Variants in DLC1 observed in about 807,000 individuals in gnomAD.
The protein encoded by DLC1 is rho GTPase-activating protein 7.
Under a neutral mutation model 140.3 loss-of-function variants are expected in DLC1, and 54 were observed. The observed-to-expected ratio is 0.38, with a 90% confidence interval of 0.31 to 0.48. The LOEUF is 0.48. DLC1 is among the 20% of genes least tolerant of loss of function. The pLI is 0.96. For missense variants in DLC1, 2,536 were observed against 1,907.0 expected (o/e 1.33, Z -6.14); for synonymous variants, 986 against 728.1 (o/e 1.35, Z -5.70).
intron 5 of DLC1, among the ~76,000 whole-genome samples, chr8:13,272,066 C>G (rs1301464042): frequency 6.6e-6 from 1 of 152,178 alleles, no homozygotes; most frequent in Non-Finnish European, 1.5e-5. Flanking sequence ...TCATGTTCTC[C>G]AAATTGAGAG....
chr8:13,211,032 A>G (rs1166692463), intron 5 of DLC1, among the ~76,000 whole-genome samples: 1 of 152,130 alleles, frequency 6.6e-6, no homozygotes, highest in African/African-American at 2.4e-5. Flanking sequence ...TGTTTTCAAG[A>G]CCCTCCTGAT....
At chr8:13,568,020 C>T in intron 1 of DLC1, 2 of 1,431,936 alleles carry the variant, frequency 1.4e-6, no homozygotes, top group East Asian at 2.5e-5. Context: ...GGGAAACTAA[C>T]TTAAGACTTT....
intron 4 of DLC1, among the ~76,000 whole-genome samples, chr8:13,392,225 A>G (rs548354482): frequency 4.6e-5 from 7 of 152,190 alleles, no homozygotes; most frequent in South Asian, 4.2e-4. Flanking sequence ...ATTGCGTTTC[A>G]CTGTTTACAT....
At chr8:13,504,709 G>A (rs995851014) in intron 1 of DLC1, among the ~76,000 whole-genome samples, 10 of 152,136 alleles carry the variant, frequency 6.6e-5, no homozygotes, top group Admixed American at 6.5e-4. Flanking sequence ...AAGACGACAG[G>A]CAAATACGAC....
At position 13,495,960 on chromosome 8, in the gene DLC1, T is replaced by C. The variant is rs146195351; in HGVS notation, c.1023+3089A>G. ...TGAAGGATTTGATTCAATCACATGA[T>C]TATCAGATAATGAGCTGATTACAAT... is the stretch of plus-strand genomic sequence containing the variant. On this transcript the variant is annotated intron_variant, in intron 2 of 17. Coordinates refer to ENST00000276297, the MANE Select transcript of DLC1 (RefSeq NM_182643.3). 2.9e-4 allele frequency among the ~76,000 whole-genome samples: 44 copies of C among 152,362 alleles called. 1 individual carries two copies. The highest frequency in any genetic ancestry group is 1.0e-3 in the African/African-American group (43 of 41,596).
At chr8:13,439,394 C>G (rs1012709494) in intron 2 of DLC1, among the ~76,000 whole-genome samples, 2 of 152,148 alleles carry the variant, frequency 1.3e-5, no homozygotes, top group Non-Finnish European at 2.9e-5. Context: ...TTACTGACCT[C>G]TGCCATGTAA....
chr8:13,455,638 C>T (rs1249667932), intron 2 of DLC1, among the ~76,000 whole-genome samples: 2 of 152,220 alleles, frequency 1.3e-5, no homozygotes, highest in Admixed American at 1.3e-4. Context: ...TCTGGCCACC[C>T]TGTGCCTAAA....
chr8:13,427,924 T>C (rs1402403701), intron 2 of DLC1, among the ~76,000 whole-genome samples: 1 of 152,194 alleles, frequency 6.6e-6, no homozygotes, highest in Non-Finnish European at 1.5e-5. Context: ...AGGCATATAG[T>C]GGTCATTCCA....
Position 13,221,210 on chromosome 8 carries a change from G to A in DLC1, c.1348+84059C>T, listed in dbSNP as rs80286342. 8.6e-3 allele frequency among the ~76,000 whole-genome samples: 1,301 copies of A among 152,132 alleles called. 24 individuals are homozygous for A. The highest frequency in any genetic ancestry group is 0.045 in the East Asian group (235 of 5,170). ...TCACCACCGCATTCTTTCCATGGGG[G>A]ATGTTAGACACCACTGACCCGGATG... On this transcript the variant is annotated intron_variant, in intron 5 of 17. Transcript: ENST00000276297.
intron 1 of DLC1, among the ~76,000 whole-genome samples, chr8:13,604,088 G>A (rs574530812): frequency 1.3e-5 from 2 of 152,170 alleles, no homozygotes; most frequent in African/African-American, 4.8e-5. Flanking sequence ...CAATGATAAT[G>A]TTATGATATG....
At chr8:13,163,024 A>G (rs953194718) in intron 5 of DLC1, among the ~76,000 whole-genome samples, 3 of 152,176 alleles carry the variant, frequency 2.0e-5, no homozygotes, top group Non-Finnish European at 4.4e-5. Context: ...TGTTGACACC[A>G]TGTAGCCTCT....
At chr8:13,253,741 A>G (rs1159998157) in intron 5 of DLC1, among the ~76,000 whole-genome samples, 1 of 152,166 alleles carries the variant, frequency 6.6e-6, no homozygotes, top group African/African-American at 2.4e-5. Context: ...TGGGCTTAGG[A>G]AGAGGAGGAA....
At chr8:13,596,913 G>A (rs151110716) in intron 1 of DLC1, among the ~76,000 whole-genome samples, 8 of 152,036 alleles carry the variant, frequency 5.3e-5, no homozygotes, top group South Asian at 2.1e-4. Context: ...AAATGCCTGC[G>A]GAGTGTGGAT....
chr8:13,391,210 G>C (rs1328677426), intron 4 of DLC1, among the ~76,000 whole-genome samples: 2 of 152,124 alleles, frequency 1.3e-5, no homozygotes, highest in Non-Finnish European at 2.9e-5. Context: ...TGCTGGTCAA[G>C]ATTATTTTGC....
chr8:13,504,202 C>T (rs1478130677), intron 1 of DLC1, among the ~76,000 whole-genome samples: 4 of 149,498 alleles, frequency 2.7e-5, no homozygotes, highest in Non-Finnish European at 4.4e-5. Flanking sequence ...TCTCAGCTCA[C>T]TGCAACCTCT....
chr8:13,401,572 C>T lies in DLC1; in HGVS notation c.1071G>A (p.Leu357=). The T allele has an allele frequency of 6.2e-7, 1 of 1,613,810 alleles. No homozygotes were observed. The highest frequency in any genetic ancestry group is 2.2e-5 in the East Asian group (1 of 44,872). ...RDRARLDSMV[L]LIMKLDQLDQ... The stretch of plus-strand genomic sequence containing the variant: ...CAAGCTGGTCCAGTTTCATAATCAG[C>T]AGCACCATGGAGTCCAGCCGCGCCC... The change falls in exon 3 of 18, where the codon CTG becomes CTA. Residue 357 remains leucine (L), a synonymous_variant. Coordinates refer to ENST00000276297, the MANE Select transcript of DLC1 (RefSeq NM_182643.3).
intron 5 of DLC1, chr8:13,304,950 A>G (rs1832357470): frequency 1.9e-6 from 2 of 1,027,324 alleles, no homozygotes; most frequent in Admixed American, 5.4e-5. Flanking sequence ...ATTATTAATA[A>G]CTAATTTCCA....
chr8:13,440,453 CAT>C (rs769433023), intron 2 of DLC1, among the ~76,000 whole-genome samples: 3 of 152,004 alleles, frequency 2.0e-5, no homozygotes, highest in African/African-American at 4.8e-5. Flanking sequence ...TTATTAGCTA[CAT>C]GTGTCAATGA....
intron 5 of DLC1, among the ~76,000 whole-genome samples, chr8:13,258,543 C>T (rs1227194516): frequency 6.6e-6 from 1 of 152,174 alleles, no homozygotes; most frequent in Non-Finnish European, 1.5e-5. Context: ...ATTAAGCTCA[C>T]ATCCACATTT....
Sources: allele counts gnomAD v4.1 joint callset (sites outside exome capture counted in the v4.1 genomes callset), GRCh38; gene constraint gnomAD v4.1.1; transcripts MANE v1.5; gene names NCBI Gene and HGNC (gene_info 2026-07-23, HGNC 2026-07-21).